Variants in RAB31 observed in about 807,000 individuals in gnomAD.
The protein encoded by RAB31 is ras-related protein Rab-31.
In RAB31, 21 loss-of-function variants were observed where a neutral mutation model predicts 25.6. The observed-to-expected ratio is 0.82, with a 90% confidence interval of 0.58 to 1.18. The LOEUF (loss-of-function observed/expected upper bound fraction) is 1.18. Ranked by LOEUF, RAB31 falls within the 50% of genes most tolerant of loss-of-function variation. The probability of loss-of-function intolerance (pLI) is 0.00; values close to 1 mark genes in which losing one functional copy is unlikely to be tolerated. For missense variants in RAB31, 196 were observed against 250.1 expected (o/e 0.78, Z 1.46); for synonymous variants, 87 against 84.0 (o/e 1.04, Z -0.20).
intron 5 of RAB31, among the ~76,000 whole-genome samples, chr18:9,841,855 A>G (rs2068736169): frequency 1.3e-5 from 2 of 152,184 alleles, no homozygotes; most frequent in African/African-American, 4.8e-5. Flanking sequence ...CAGCTGGCCT[A>G]TTTGGGAAAT....
At chr18:9,764,969 T>C (rs1201692244) in intron 1 of RAB31, among the ~76,000 whole-genome samples, 1 of 152,000 alleles carries the variant, frequency 6.6e-6, no homozygotes, top group Non-Finnish European at 1.5e-5. Context: ...TTCTTTTTTT[T>C]TTGGAGACAG....
chr18:9,713,589 C>T (rs1411625143), intron 1 of RAB31, among the ~76,000 whole-genome samples: 1 of 152,162 alleles, frequency 6.6e-6, no homozygotes, highest in Non-Finnish European at 1.5e-5. Flanking sequence ...CTTTCATCCT[C>T]CCTCAGCTTT....
chr18:9,715,734 C>T (rs184449033), intron 1 of RAB31, among the ~76,000 whole-genome samples: 31 of 152,110 alleles, frequency 2.0e-4, no homozygotes, highest in South Asian at 8.3e-4. Flanking sequence ...CGTTTCACCA[C>T]GTTGGCCGGC....
chr18:9,841,262 A>C (rs1480690444), intron 5 of RAB31, among the ~76,000 whole-genome samples: 1 of 147,700 alleles, frequency 6.8e-6, no homozygotes, highest in Admixed American at 6.7e-5. Flanking sequence ...CAATTGGGCC[A>C]GGCGCAGTGG....
intron 5 of RAB31, among the ~76,000 whole-genome samples, chr18:9,839,699 A>G (rs1328175240): frequency 1.3e-5 from 2 of 152,274 alleles, no homozygotes; most frequent in African/African-American, 4.8e-5. Flanking sequence ...TAGCTAGCTC[A>G]AGGGGGAGAT....
chr18:9,774,188 AACTCTAGAGCTTTTTTTC>A (rs1052499505), intron 1 of RAB31, among the ~76,000 whole-genome samples: 2 of 152,080 alleles, frequency 1.3e-5, no homozygotes, highest in Non-Finnish European at 2.9e-5. Flanking sequence ...AAATATCGGG[AACTCTAGAGCTTTTTTTC>A]TCCTACCTAA....
At chr18:9,836,064 A>T (rs2068702729) in intron 5 of RAB31, among the ~76,000 whole-genome samples, 1 of 151,962 alleles carries the variant, frequency 6.6e-6, no homozygotes, top group Admixed American at 6.6e-5. Flanking sequence ...TACCTTAAAC[A>T]TGTGGGATGG....
chr18:9,766,602 A>T lies in RAB31; in HGVS notation c.40-8676A>T, dbSNP rs2068317660. Reference sequence around the variant, plus strand: ...ATGCCCACAAGGTCTGCTGCCCTGTACAGGCCTCCTGAATTCCCTAACTTA... The same window carrying T: ...ATGCCCACAAGGTCTGCTGCCCTGTTCAGGCCTCCTGAATTCCCTAACTTA... On this transcript the variant is annotated intron_variant, in intron 1 of 6. Transcript: ENST00000578921. The surrounding 1 kb of genome is among the most constrained non-coding windows in gnomAD (Gnocchi z 4.3). Among the ~76,000 whole-genome samples, 4 of 152,100 alleles carry T rather than the reference A, an allele frequency of 2.6e-5. No homozygotes were observed. The South Asian group carries it at 8.3e-4, about 32-fold the overall frequency.
At chr18:9,784,680 G>A (rs1218760628) in intron 2 of RAB31, among the ~76,000 whole-genome samples, 2 of 151,552 alleles carry the variant, frequency 1.3e-5, no homozygotes, top group African/African-American at 2.4e-5. Context: ...AGTCCCCGAC[G>A]TAGCTGGGAT....
At chr18:9,792,633 A>G (rs556115530) in intron 3 of RAB31, among the ~76,000 whole-genome samples, 1 of 152,260 alleles carries the variant, frequency 6.6e-6, no homozygotes, top group South Asian at 2.1e-4. Flanking sequence ...CTGGCTGAGC[A>G]TGCACCTCTT....
chr18:9,739,253 T>C (rs2068165524), intron 1 of RAB31, among the ~76,000 whole-genome samples: 1 of 152,154 alleles, frequency 6.6e-6, no homozygotes, highest in Non-Finnish European at 1.5e-5. Context: ...GGCAGGCGGA[T>C]CATGAGGTCA....
At chr18:9,748,835 G>T (rs1399505444) in intron 1 of RAB31, among the ~76,000 whole-genome samples, 3 of 149,926 alleles carry the variant, frequency 2.0e-5, no homozygotes, top group Non-Finnish European at 3.0e-5. Context: ...AGGTTGCAGT[G>T]AGCCGAGATT....
chr18:9,835,382 G>T (rs1389929527), intron 5 of RAB31, among the ~76,000 whole-genome samples: 1 of 151,516 alleles, frequency 6.6e-6, no homozygotes, highest in Non-Finnish European at 1.5e-5. Flanking sequence ...CTGAATTTCT[G>T]TCAGCAGAAG....
At chr18:9,727,763 T>C (rs1568163466) in intron 1 of RAB31, among the ~76,000 whole-genome samples, 1 of 152,234 alleles carries the variant, frequency 6.6e-6, no homozygotes, top group Non-Finnish European at 1.5e-5. Context: ...AAGATCAGTC[T>C]TTCCTCTTAC....
intron 1 of RAB31, among the ~76,000 whole-genome samples, chr18:9,717,028 A>G (rs972487203): frequency 6.6e-6 from 1 of 151,622 alleles, no homozygotes; most frequent in Non-Finnish European, 1.5e-5. Flanking sequence ...CCCCAAAAAT[A>G]TTGGGATTAC....
chr18:9,813,095 C>G (rs1032922287), intron 3 of RAB31, among the ~76,000 whole-genome samples: 1 of 152,214 alleles, frequency 6.6e-6, no homozygotes, highest in African/African-American at 2.4e-5. Flanking sequence ...CTAATGACCT[C>G]TCCTGTCTGG....
chr18:9,793,384 C>T lies in RAB31; in HGVS notation c.201+1149C>T, dbSNP rs144445255. Among the ~76,000 whole-genome samples the T allele has an allele frequency of 7.3e-3, 1,106 of 152,214 alleles. 11 individuals are homozygous for T. The highest frequency in any genetic ancestry group is 0.024 in the African/African-American group (1,008 of 41,522). On this transcript the variant is annotated intron_variant, in intron 3 of 6. Coordinates refer to ENST00000578921, the MANE Select transcript of RAB31 (RefSeq NM_006868.4). ...TCAGTCATAATATAAAAGTTGAGGC[C>T]GGACGCGGTGGCTCACGCCTGTAAT... is the stretch of plus-strand genomic sequence containing the variant.
intron 6 of RAB31, among the ~76,000 whole-genome samples, chr18:9,856,587 CAA>C (rs1400744241): frequency 6.6e-6 from 1 of 152,148 alleles, no homozygotes; most frequent in Non-Finnish European, 1.5e-5. Context: ...AAGGACAGCA[CAA>C]AGTTTTGATG....
chr18:9,760,866 A>C (rs1254490323), intron 1 of RAB31, among the ~76,000 whole-genome samples: 1 of 152,134 alleles, frequency 6.6e-6, no homozygotes, highest in Non-Finnish European at 1.5e-5. Flanking sequence ...AATGAAGGAG[A>C]GATTTTCTAC....
Sources: gnomAD v4.1 joint callset for allele counts (sites outside exome capture counted in the v4.1 genomes callset) on GRCh38, gnomAD v4.1.1 for gene constraint, Gnocchi (gnomAD v3.1) non-coding constraint, MANE v1.5 for transcripts, NCBI Gene and HGNC (gene_info 2026-07-23, HGNC 2026-07-21) for gene names.